PDZRN4: variants seen among roughly 807,000 people sequenced by gnomAD.
PDZRN4 encodes the protein PDZ domain-containing RING finger protein 4.
A neutral mutation model predicts 99.0 loss-of-function variants in PDZRN4; 70 were observed. That is an observed-to-expected ratio of 0.71 (90% CI 0.58 to 0.86). The LOEUF (loss-of-function observed/expected upper bound fraction) is 0.86, where lower values mean the gene tolerates loss of function less well. Among genes scored for constraint, PDZRN4 ranks in the 40% least tolerant of loss-of-function variants. The pLI, the probability that PDZRN4 is intolerant of heterozygous loss-of-function variation, is 0.00. For synonymous variants in PDZRN4, 551 were observed against 501.6 expected (o/e 1.10, Z -1.32); for missense variants, 1,474 against 1,331.2 (o/e 1.11, Z -1.67).
At chr12:41,551,327 C>T (rs1482819780) in intron 5 of PDZRN4, among the ~76,000 whole-genome samples, 1 of 152,034 alleles carries the variant, frequency 6.6e-6, no homozygotes, top group African/African-American at 2.4e-5. Context: ...TTGGTAATCA[C>T]CTACCAAAGT....
intron 3 of PDZRN4, among the ~76,000 whole-genome samples, chr12:41,324,394 T>C (rs1951697586): frequency 6.6e-6 from 1 of 152,124 alleles, no homozygotes; most frequent in Admixed American, 6.5e-5. Flanking sequence ...GAAACAACTG[T>C]ATATTCTAGT....
intron 3 of PDZRN4, among the ~76,000 whole-genome samples, chr12:41,390,591 T>A (rs2121118778): frequency 7.4e-6 from 1 of 135,698 alleles, no homozygotes; most frequent in African/African-American, 2.7e-5. Context: ...AAAGCTTTTT[T>A]TATATTTCTA....
Position 41,188,587 on chromosome 12 carries a change from C to T in PDZRN4, c.132C>T (p.Pro44=). 2 of 1,542,998 alleles carry T rather than the reference C, an allele frequency of 1.3e-6. No individual in the cohort carries two copies. The highest frequency in any genetic ancestry group is 1.7e-6 in the Non-Finnish European group (2 of 1,151,138). ...GHVFCASCLL[P]WAVRRRRCPL... ...TCTTCTGCGCCAGCTGCCTGTTGCC[C>T]TGGGCGGTGCGGAGGCGCCGGTGCC... The change falls in exon 1 of 10, where the codon CCC becomes CCT. Residue 44 remains proline (P), a synonymous_variant. Coordinates refer to ENST00000402685, the MANE Select transcript of PDZRN4 (RefSeq NM_001164595.2).
intron 3 of PDZRN4, among the ~76,000 whole-genome samples, chr12:41,214,152 C>A (rs1409705426): frequency 6.7e-6 from 1 of 149,046 alleles, no homozygotes; most frequent in Non-Finnish European, 1.5e-5. Context: ...GATATATTGG[C>A]TTACGCCTCT....
chr12:41,477,965 T>C, intron 3 of PDZRN4: 1 of 1,217,606 alleles, frequency 8.2e-7, no homozygotes, highest in Non-Finnish European at 1.2e-6. Context: ...TTCTCTTGCT[T>C]ATCAGTGAGC....
chr12:41,447,015 C>T (rs151329906), intron 3 of PDZRN4, among the ~76,000 whole-genome samples: 46 of 151,988 alleles, frequency 3.0e-4, no homozygotes, highest in African/African-American at 8.0e-4. Flanking sequence ...GGATATGGGA[C>T]GACTATAGTT....
chr12:41,290,868 A>G (rs1448315540), intron 3 of PDZRN4, among the ~76,000 whole-genome samples: 1 of 152,116 alleles, frequency 6.6e-6, no homozygotes, highest in Non-Finnish European at 1.5e-5. Flanking sequence ...ACAAAAATTT[A>G]CAATTTTCTA....
At position 41,498,312 on chromosome 12, in the gene PDZRN4, C is replaced by A. The variant is rs1018842906; in HGVS notation, c.844-8144C>A. On this transcript the variant is annotated intron_variant, in intron 3 of 9. Coordinates refer to ENST00000402685, the MANE Select transcript of PDZRN4 (RefSeq NM_001164595.2). ...TAATCAAGACAAATATTAGACAAAC[C>A]CAAATGGAGGGATTGTCATAGTTTG... Among the ~76,000 whole-genome samples the A allele has an allele frequency of 2.0e-5, 3 of 151,948 alleles. No homozygotes were observed. In the South Asian group the frequency reaches 6.2e-4, roughly 32 times the overall value.
chr12:41,227,485 C>T (rs1344304829), intron 3 of PDZRN4, among the ~76,000 whole-genome samples: 4 of 151,828 alleles, frequency 2.6e-5, no homozygotes, highest in Non-Finnish European at 5.9e-5. Context: ...GGCAACATGG[C>T]AAAACCCCAT....
intron 3 of PDZRN4, among the ~76,000 whole-genome samples, chr12:41,491,176 T>C (rs1937878929): frequency 6.6e-6 from 1 of 152,110 alleles, no homozygotes; most frequent in Non-Finnish European, 1.5e-5. Flanking sequence ...AAACTGTCAG[T>C]CGAGTCCAAT....
intron 3 of PDZRN4, among the ~76,000 whole-genome samples, chr12:41,300,179 C>A (rs1951524884): frequency 6.6e-6 from 1 of 151,820 alleles, no homozygotes; most frequent in Non-Finnish European, 1.5e-5. Flanking sequence ...TGTTACATTG[C>A]TTTTGCATAG....
At chr12:41,314,809 A>C (rs1202246587) in intron 3 of PDZRN4, among the ~76,000 whole-genome samples, 2 of 151,306 alleles carry the variant, frequency 1.3e-5, no homozygotes, top group Non-Finnish European at 3.0e-5. Flanking sequence ...ACTGTTCACT[A>C]TGATTTTTTT....
intron 3 of PDZRN4, among the ~76,000 whole-genome samples, chr12:41,322,985 A>T (rs539173235): frequency 6.6e-6 from 1 of 152,318 alleles, no homozygotes; most frequent in South Asian, 2.1e-4. Flanking sequence ...GAGTAATGAA[A>T]AACATGGCAG....
At chr12:41,542,174 AG>A (rs1257643028) in intron 5 of PDZRN4, among the ~76,000 whole-genome samples, 1 of 152,198 alleles carries the variant, frequency 6.6e-6, no homozygotes, top group African/African-American at 2.4e-5. Context: ...TCTCTTTTGA[AG>A]AGCTATTTTC....
At chr12:41,561,865 C>T (rs762470789) in intron 7 of PDZRN4, among the ~76,000 whole-genome samples, 6 of 151,882 alleles carry the variant, frequency 4.0e-5, no homozygotes, top group Non-Finnish European at 8.8e-5. Flanking sequence ...AGAGTAAATA[C>T]TACAAAGTCA....
chr12:41,437,629 C>T lies in PDZRN4; in HGVS notation c.844-68827C>T, dbSNP rs1316688236. 7 of 525,802 alleles carry T rather than the reference C, an allele frequency of 1.3e-5. No individual in the cohort carries two copies. The East Asian group carries it at 2.8e-4, about 21-fold the overall frequency. 32.6% of individuals were successfully genotyped at this position (525,802 alleles called of 1,614,324 possible). On this transcript the variant is annotated intron_variant, in intron 3 of 9. Coordinates refer to ENST00000402685, the MANE Select transcript of PDZRN4 (RefSeq NM_001164595.2). ...GTTCTGTCATAAATAATCAATGAGG[C>T]ACTATTAATATTCATGAGCTGGAAT...
At chr12:41,408,425 A>G (rs1952365114) in intron 3 of PDZRN4, among the ~76,000 whole-genome samples, 1 of 152,218 alleles carries the variant, frequency 6.6e-6, no homozygotes, top group African/African-American at 2.4e-5. Flanking sequence ...GCAAGTTTCC[A>G]GAGTCCAAGT....
intron 3 of PDZRN4, among the ~76,000 whole-genome samples, chr12:41,236,621 A>G (rs1951068864): frequency 6.6e-6 from 1 of 152,134 alleles, no homozygotes; most frequent in Admixed American, 6.6e-5. Context: ...TGAGGACTTG[A>G]ATGGGTGTGG....
At chr12:41,360,751 T>C (rs552638838) in intron 3 of PDZRN4, among the ~76,000 whole-genome samples, 8 of 152,170 alleles carry the variant, frequency 5.3e-5, no homozygotes, top group Non-Finnish European at 1.2e-4. Flanking sequence ...TTACCTTTTA[T>C]ATATTATAGA....
Sources: allele counts gnomAD v4.1 joint callset (sites outside exome capture counted in the v4.1 genomes callset), GRCh38; gene constraint gnomAD v4.1.1; transcripts MANE v1.5; gene names NCBI Gene and HGNC (gene_info 2026-07-23, HGNC 2026-07-21).